The following PERM1 variants were observed in gnomAD, a reference collection of about 807,000 sequenced individuals.
PERM1 encodes the protein PPARGC1 and ESRR induced regulator, muscle 1.
A neutral mutation model predicts 44.1 loss-of-function variants in PERM1; 45 were observed. That is an observed-to-expected ratio of 1.02 (90% CI 0.80 to 1.31). The LOEUF is 1.31. Among genes scored for constraint, PERM1 ranks in the 50% most tolerant of loss-of-function variants. The pLI is 0.00. For missense variants in PERM1, 1,189 were observed against 1,106.9 expected, an observed-to-expected ratio of 1.07 and a Z score of -1.05; for synonymous variants, 565 against 477.1, an observed-to-expected ratio of 1.18 and a Z score of -2.40.
At chr1:976,350 C>T (rs1273445334) in intron 2 of PERM1, 81 bp from the exon 4 acceptor site, 12 of 1,470,860 alleles carry the variant, frequency 8.2e-6, no homozygotes, top group South Asian at 4.2e-5. Flanking sequence ...CCTCAAAGGG[C>T]GGGCAAGGTC....
chr1:980,687 G>T, exon 1 of PERM1: 1 of 1,425,886 alleles, frequency 7.0e-7, no homozygotes. Flanking sequence ...CCGGGGCCGA[G>T]GGACGGTGGA....
In PERM1 at chr1:979,648, GGAGGCCAGGC is replaced by G. The variant is rs1406668475; in HGVS notation, c.1372_1381del (p.Ala458ProfsTer107). On this transcript the variant is annotated frameshift_variant, in exon 1 of 3. Coordinates refer to ENST00000433179, the Ensembl canonical transcript of PERM1. LOFTEE classifies it high-confidence loss of function. ...CACATCAGGCCCAGCTCTGCGGGTG[GGAGGCCAGGC>G]GAGGCCAGCGGCGTCGGCTCTGGGA... 1.3e-6 allele frequency: 2 copies of G among 1,550,290 alleles called. No individual in the cohort carries two copies. Among genetic ancestry groups the G allele is most frequent in the South Asian group, 2.4e-5 (2 of 84,058 alleles).
At chr1:976,068 A>G in exon 3 of PERM1, 2 of 1,140,464 alleles carry the variant, frequency 1.8e-6, no homozygotes, top group Non-Finnish European at 2.4e-6. Flanking sequence ...TGGACGCGGT[A>G]GAAGAGAGGG....
At chr1:979,560 T>G in exon 1 of PERM1, 1 of 1,549,942 alleles carries the variant, frequency 6.5e-7, no homozygotes, top group Non-Finnish European at 8.7e-7. Flanking sequence ...CCAGTGCGGG[T>G]GCCCCAGAGC....
chr1:979,713 G>A (rs1422421142), exon 1 of PERM1: 9 of 1,550,120 alleles, frequency 5.8e-6, no homozygotes, highest in South Asian at 3.6e-5. Flanking sequence ...CGCTGGACTC[G>A]GTCATCCTCG....
At chr1:979,716 C>T (rs1463704385) in exon 1 of PERM1, 1 of 1,550,258 alleles carries the variant, frequency 6.5e-7, no homozygotes, top group Admixed American at 2.0e-5. Context: ...TGGACTCGGT[C>T]ATCCTCGGCA....
upstream of PERM1, chr1:981,264 C>T: frequency 7.3e-7 from 1 of 1,375,146 alleles, no homozygotes; most frequent in East Asian, 2.6e-5. Context: ...TCCCCAGCTC[C>T]CATGACCCTA....
chr1:980,286 T>C (rs886512120), exon 1 of PERM1: 174 of 1,550,242 alleles, frequency 1.1e-4, no homozygotes, highest in Non-Finnish European at 1.4e-4. Context: ...CTGGCCCTGG[T>C]CTGTCTTCCT....
chr1:976,475 C>G (rs1165793973), intron 2 of PERM1, 24 bp downstream of exon 3: 5 of 1,549,288 alleles, frequency 3.2e-6, no homozygotes, highest in Admixed American at 2.0e-5. Context: ...AGGCGCAGCT[C>G]CCTCTGCCCC....
At chr1:980,599 C>T in exon 1 of PERM1, 1 of 1,451,428 alleles carries the variant, frequency 6.9e-7, no homozygotes. Context: ...TGGGGCAGGG[C>T]CCTGCAGAAG....
chr1:978,949 C>A (rs1643700960), exon 1 of PERM1: 8 of 1,508,360 alleles, frequency 5.3e-6, no homozygotes, highest in Admixed American at 2.2e-5. Context: ...AGGCCCCGCC[C>A]CCTCGGAGGC....
upstream of PERM1, among the ~76,000 whole-genome samples, chr1:981,790 G>A (rs570391165): frequency 2.4e-4 from 36 of 152,360 alleles, no homozygotes; most frequent in Admixed American, 7.2e-4. Context: ...GCTGCCCGGG[G>A]TGCCTTCCTT....
chr1:981,282 A>C (rs56028034), upstream of PERM1: 188,556 of 1,124,690 alleles, frequency 0.17, 16,159 homozygotes, highest in African/African-American at 0.26. Flanking sequence ...CTAGTTCCCA[A>C]CGCACCCCAA....
At position 979,341 on chromosome 1, in the gene PERM1, A is replaced by AG. The variant is rs1295381936; in HGVS notation, c.1688dup (p.Pro564SerfsTer27). The AG allele has an allele frequency of 9.2e-6, 14 of 1,519,568 alleles. No individual in the cohort carries two copies. In the South Asian group the frequency reaches 1.4e-4, roughly 15 times the overall value. 94.1% of individuals were successfully genotyped at this position (1,519,568 alleles called of 1,614,324 possible). A position where few individuals can be genotyped will look rare whatever the true frequency, so the allele number is the denominator to read the frequency against. On this transcript the variant is annotated frameshift_variant, in exon 1 of 3. Transcript: ENST00000433179. LOFTEE classifies it high-confidence loss of function. ...GCCCGACCCTCGTCACGGCAGAGGG[A>AG]GGGGGGCGAGGCAGGTGCTTGAGGA...
chr1:979,458 C>T (rs999012407), exon 1 of PERM1: 7 of 1,546,612 alleles, frequency 4.5e-6, no homozygotes, highest in Non-Finnish European at 5.2e-6. Flanking sequence ...GGGCTGAGGG[C>T]CGGGCTGAGG....
exon 3 of PERM1, chr1:976,145 T>C (rs1403973821): frequency 1.3e-6 from 2 of 1,543,670 alleles, no homozygotes; most frequent in African/African-American, 1.4e-5. Context: ...CTCCTCATCC[T>C]GCATCTCCCT....
exon 1 of PERM1, chr1:979,430 C>T: frequency 6.5e-7 from 1 of 1,532,042 alleles, no homozygotes; most frequent in South Asian, 1.2e-5. Flanking sequence ...CCCCCGTGGG[C>T]CCCAGTTGCT....
exon 3 of PERM1, chr1:976,079 G>C: frequency 2.3e-6 from 3 of 1,281,694 alleles, no homozygotes; most frequent in Non-Finnish European, 3.2e-6. Context: ...GAAGAGAGGG[G>C]TCAGAGGGCC....
chr1:979,004 G>A, exon 1 of PERM1: 1 of 1,530,654 alleles, frequency 6.5e-7, no homozygotes, highest in East Asian at 2.5e-5. Flanking sequence ...GGGACAGCCG[G>A]CCCCAGCACG....
Sources: allele counts gnomAD v4.1 joint callset (sites outside exome capture counted in the v4.1 genomes callset), GRCh38; gene constraint gnomAD v4.1.1; transcripts MANE v1.5; gene names NCBI Gene and HGNC (gene_info 2026-07-23, HGNC 2026-07-21).